Variants in LDLRAD4 observed in about 807,000 individuals in gnomAD.
The protein encoded by LDLRAD4 is low density lipoprotein receptor class A domain containing 4.
A neutral mutation model predicts 17.0 loss-of-function variants in LDLRAD4; 5 were observed. The observed-to-expected ratio is 0.29, with a 90% CI of 0.15 to 0.62. The LOEUF (loss-of-function observed/expected upper bound fraction) is 0.62. Ranked by LOEUF, LDLRAD4 falls within the 20% of genes least tolerant of loss-of-function variation. The pLI, the probability that LDLRAD4 is intolerant of heterozygous loss-of-function variation, is 0.84. For missense variants in LDLRAD4, 340 were observed against 424.7 expected (o/e 0.80, Z 1.75); for synonymous variants, 168 against 171.8 (o/e 0.98, Z 0.17).
chr18:13,616,330 C>T (rs1380105628), intron 3 of LDLRAD4, among the ~76,000 whole-genome samples: 2 of 152,042 alleles, frequency 1.3e-5, no homozygotes, highest in South Asian at 2.1e-4. Flanking sequence ...CAATGCAGGG[C>T]TCAGGGTCTG....
intron 3 of LDLRAD4, chr18:13,487,189 G>A (rs975397444): frequency 6.6e-6 from 1 of 152,152 alleles, no homozygotes; most frequent in Non-Finnish European, 1.5e-5. Flanking sequence ...AAACATCAAG[G>A]ACCTTGCTGC....
chr18:13,606,374 A>T (rs1031011296), intron 3 of LDLRAD4, among the ~76,000 whole-genome samples: 3 of 152,200 alleles, frequency 2.0e-5, no homozygotes, highest in Admixed American at 1.3e-4. Context: ...CTGCTAATTC[A>T]GGGAGTCTTT....
At chr18:13,508,995 T>C (rs1448285270) in intron 3 of LDLRAD4, among the ~76,000 whole-genome samples, 1 of 152,126 alleles carries the variant, frequency 6.6e-6, no homozygotes, top group Non-Finnish European at 1.5e-5. Flanking sequence ...TCATGACTCA[T>C]GAGAAAAGGT....
At chr18:13,405,652 G>C (rs1294883085) in intron 2 of LDLRAD4, among the ~76,000 whole-genome samples, 1 of 135,308 alleles carries the variant, frequency 7.4e-6, no homozygotes, top group Non-Finnish European at 1.6e-5. Context: ...TGCCCAAGTT[G>C]TTCTTGAACT....
chr18:13,474,867 A>AG (rs1474713440), intron 3 of LDLRAD4, among the ~76,000 whole-genome samples: 6 of 152,214 alleles, frequency 3.9e-5, no homozygotes, highest in African/African-American at 1.4e-4. Flanking sequence ...TGTGCGGCCC[A>AG]GGGGCTACAG....
At chr18:13,519,468 T>A (rs778925855) in intron 3 of LDLRAD4, among the ~76,000 whole-genome samples, 1 of 152,182 alleles carries the variant, frequency 6.6e-6, no homozygotes, top group Non-Finnish European at 1.5e-5. Context: ...TTCCAAAGGT[T>A]AGCAGAAATG....
intron 3 of LDLRAD4, among the ~76,000 whole-genome samples, chr18:13,469,234 C>G (rs543226261): frequency 3.3e-5 from 5 of 152,262 alleles, no homozygotes; most frequent in African/African-American, 9.6e-5. Flanking sequence ...CAGAAAATAA[C>G]AAGCATTGGC....
chr18:13,372,584 G>A (rs961737787), intron 1 of LDLRAD4, among the ~76,000 whole-genome samples: 24 of 152,202 alleles, frequency 1.6e-4, no homozygotes, highest in Admixed American at 1.2e-3. Flanking sequence ...ATGCTAGGCC[G>A]TCTGGGTGTC....
At chr18:13,642,755 C>A in intron 4 of LDLRAD4, 1 of 1,230,642 alleles carries the variant, frequency 8.1e-7, no homozygotes, top group Non-Finnish European at 1.0e-6. Flanking sequence ...TTCAAGCACA[C>A]AGGTGTAGAG....
chr18:13,303,019 G>A (rs1323329405), intron 1 of LDLRAD4, among the ~76,000 whole-genome samples: 1 of 152,210 alleles, frequency 6.6e-6, no homozygotes, highest in African/African-American at 2.4e-5. Context: ...GATTTATTGG[G>A]GGTAGGCTTT....
chr18:13,402,564 G>C (rs2145544228), intron 2 of LDLRAD4, among the ~76,000 whole-genome samples: 1 of 152,298 alleles, frequency 6.6e-6, no homozygotes, highest in African/African-American at 2.4e-5. Flanking sequence ...TGCTGAATCT[G>C]GGTATGTTTT....
intron 4 of LDLRAD4, among the ~76,000 whole-genome samples, chr18:13,640,240 C>T (rs2148961262): frequency 7.3e-6 from 1 of 137,340 alleles, no homozygotes; most frequent in South Asian, 2.2e-4. Context: ...TTGCAGTGAG[C>T]CGAGATCCCG....
At position 13,536,886 on chromosome 18, in the gene LDLRAD4, G is replaced by GT. The variant is rs199934260; in HGVS notation, c.182-84224dup. Among the ~76,000 whole-genome samples the GT allele has an allele frequency of 7.6e-3, 1,157 of 151,990 alleles. 20 individuals are homozygous for GT. The highest frequency in any genetic ancestry group is 0.026 in the African/African-American group (1,094 of 41,454). On this transcript the variant is annotated intron_variant, in intron 3 of 5. Transcript: ENST00000359446. Reference sequence around the variant, plus strand: ...TCTGCATCTATTGAAATGATTATATGTTTTTTTCAAATATTCTGTAATTAT... The same window carrying GT: ...TCTGCATCTATTGAAATGATTATATGTTTTTTTTCAAATATTCTGTAATTAT...
upstream of LDLRAD4, among the ~76,000 whole-genome samples, chr18:13,274,768 C>A (rs2044760370): frequency 6.6e-6 from 1 of 152,138 alleles, no homozygotes; most frequent in Non-Finnish European, 1.5e-5. Context: ...GTAAAATAGA[C>A]ACAATGTTGG....
chr18:13,249,376 C>G (rs1410442478), intron 1 of LDLRAD4, among the ~76,000 whole-genome samples: 1 of 152,174 alleles, frequency 6.6e-6, no homozygotes, highest in Non-Finnish European at 1.5e-5. Context: ...CAGTGTGTAA[C>G]AGTTCCCTTT....
intron 1 of LDLRAD4, among the ~76,000 whole-genome samples, chr18:13,298,496 G>A (rs2046398857): frequency 6.8e-6 from 1 of 146,300 alleles, no homozygotes; most frequent in Non-Finnish European, 1.5e-5. Context: ...CGGGCACGGT[G>A]ATGGAGCTGC....
intron 1 of LDLRAD4, among the ~76,000 whole-genome samples, chr18:13,333,821 T>C (rs894628173): frequency 2.0e-5 from 3 of 152,266 alleles, no homozygotes; most frequent in Admixed American, 1.3e-4. Context: ...ATAATAAGTC[T>C]TAAAGTCAGG....
chr18:13,340,550 T>C (rs1032794970), intron 1 of LDLRAD4, among the ~76,000 whole-genome samples: 2 of 152,216 alleles, frequency 1.3e-5, no homozygotes, highest in Non-Finnish European at 2.9e-5. Flanking sequence ...GAGAAATGTC[T>C]ATTCAAGTCC....
Position 13,584,008 on chromosome 18 carries a change from G to A in LDLRAD4, c.182-37109G>A, listed in dbSNP as rs565869004. Among the ~76,000 whole-genome samples, 5 of 152,184 alleles carry A rather than the reference G, an allele frequency of 3.3e-5. No homozygotes were observed. The East Asian group carries it at 5.8e-4, about 18-fold the overall frequency. On this transcript the variant is annotated intron_variant, in intron 3 of 5. Transcript: ENST00000359446. ...CTGGCTTCCCTTGAGGACCACCACC[G>A]CCCTTAGCCCATCTCCCACACCCAT...
Sources: allele counts gnomAD v4.1 joint callset (sites outside exome capture counted in the v4.1 genomes callset), GRCh38; gene constraint gnomAD v4.1.1; transcripts MANE v1.5; gene names NCBI Gene and HGNC (gene_info 2026-07-23, HGNC 2026-07-21).